Variants in TMEM38B observed in about 807,000 individuals in gnomAD.
TMEM38B encodes the protein transmembrane protein 38B.
Under a neutral mutation model 28.7 loss-of-function variants are expected in TMEM38B, and 24 were observed. The observed-to-expected ratio is 0.84, with a 90% CI of 0.61 to 1.18. The LOEUF (loss-of-function observed/expected upper bound fraction) is 1.18, where lower values mean the gene tolerates loss of function less well. Ranked by LOEUF, TMEM38B falls within the 50% of genes most tolerant of loss-of-function variation. The probability of loss-of-function intolerance (pLI) is 0.00; values close to 1 mark genes in which losing one functional copy is unlikely to be tolerated. For synonymous variants in TMEM38B, 131 were observed against 127.7 expected (o/e 1.03, Z -0.17); for missense variants, 380 against 350.9 (o/e 1.08, Z -0.66).
intron 4 of TMEM38B, among the ~76,000 whole-genome samples, chr9:105,729,593 A>G (rs111548029): frequency 1.3e-3 from 199 of 152,288 alleles, no homozygotes; most frequent in African/African-American, 4.6e-3. Flanking sequence ...TAAACTTTAA[A>G]GTAGTTTTTT....
At chr9:105,700,309 T>G (rs1835422932) in intron 1 of TMEM38B, among the ~76,000 whole-genome samples, 1 of 152,214 alleles carries the variant, frequency 6.6e-6, no homozygotes, top group Non-Finnish European at 1.5e-5. Flanking sequence ...GCACTACCTT[T>G]TCTACACAAT....
chr9:105,713,294 C>T (rs1399461009), intron 2 of TMEM38B, among the ~76,000 whole-genome samples: 4 of 152,192 alleles, frequency 2.6e-5, no homozygotes, highest in African/African-American at 7.2e-5. Flanking sequence ...CCCCCCAAAC[C>T]GGGGCTGCAG....
chr9:105,759,560 G>T, intron 5 of TMEM38B: 1 of 1,560,240 alleles, frequency 6.4e-7, no homozygotes, highest in Non-Finnish European at 8.8e-7. Context: ...TCCTCTAATA[G>T]CAAACCAAGT....
At position 105,763,223 on chromosome 9, in the gene TMEM38B, A is replaced by G. The variant is rs186214310; in HGVS notation, c.661-10642A>G. ...TTTTGTAGGTTGCCTGTTCACTGTG[A>G]TGGTAGTTTCTTTTGCTGTGCAGAA... On this transcript the variant is annotated intron_variant, in intron 5 of 5. Transcript: ENST00000374692. Among the ~76,000 whole-genome samples the G allele has an allele frequency of 2.5e-3, 382 of 151,944 alleles. 3 individuals are homozygous for G. Among genetic ancestry groups the G allele is most frequent in the Admixed American group, 7.9e-3 (121 of 15,264 alleles).
rs144474018 is a variant in TMEM38B, at chr9:105,769,715, G to T, written c.661-4150G>T. Among the ~76,000 whole-genome samples the T allele has an allele frequency of 6.1e-4, 84 of 137,864 alleles. 1 individual carries two copies. Among genetic ancestry groups the T allele is most frequent in the Non-Finnish European group, 9.6e-4 (65 of 67,448 alleles). 90.4% of individuals were successfully genotyped at this position (137,864 alleles called of 152,430 possible). A position where few individuals can be genotyped will look rare whatever the true frequency, so the allele number is the denominator to read the frequency against. On this transcript the variant is annotated intron_variant, in intron 5 of 5. Coordinates refer to ENST00000374692, the MANE Select transcript of TMEM38B (RefSeq NM_018112.3). ...TTTAGCTATTCTTGTATATTGATAT[G>T]AACTTTAATAGTTTGTCTAGCTCTG...
chr9:105,695,301 A>G (rs1030395258), intron 1 of TMEM38B, among the ~76,000 whole-genome samples: 3 of 152,150 alleles, frequency 2.0e-5, no homozygotes, highest in East Asian at 1.9e-4. Context: ...TGAAAGTTGT[A>G]CAAGCACTGA....
At chr9:105,761,704 G>C in intron 5 of TMEM38B, among the ~76,000 whole-genome samples, 1 of 152,072 alleles carries the variant, frequency 6.6e-6, no homozygotes, top group East Asian at 1.9e-4. Context: ...GTGCACATTA[G>C]ACTCACCCGA....
At position 105,773,893 on chromosome 9, in the gene TMEM38B, C is replaced by T. The variant is rs370443289; in HGVS notation, c.689C>T (p.Thr230Ile). The T allele has an allele frequency of 1.2e-6, 2 of 1,613,642 alleles. No individual in the cohort carries two copies. The highest frequency in any genetic ancestry group is 1.7e-6 in the Non-Finnish European group (2 of 1,179,702). Reference sequence around the variant, plus strand: ...ACCATGATGACTACACAGACTTCTACTATGACATTTGCTCCTTTTGAGGAT... The same window carrying T: ...ACCATGATGACTACACAGACTTCTATTATGACATTTGCTCCTTTTGAGGAT... ...KITMMTTQTS[T>I]MTFAPFEDTL... The change falls in exon 6 of 6, where the codon ACT becomes ATT. Residue 230 changes from threonine to isoleucine, a missense_variant. Physicochemically the swap from Thr to Ile is moderately conservative, Grantham distance 89 (BLOSUM62 -1). Coordinates refer to ENST00000374692, the MANE Select transcript of TMEM38B (RefSeq NM_018112.3).
chr9:105,753,210 C>T (rs375872613), intron 5 of TMEM38B, among the ~76,000 whole-genome samples: 21 of 152,124 alleles, frequency 1.4e-4, no homozygotes, highest in African/African-American at 4.6e-4. Flanking sequence ...TTGAAAGAGA[C>T]GAGGAGAATG....
At chr9:105,760,768 T>G in intron 5 of TMEM38B, 1 of 980,616 alleles carries the variant, frequency 1.0e-6, no homozygotes, top group Non-Finnish European at 1.5e-6. Flanking sequence ...GAATTAAAAA[T>G]TATGTAATAC....
intron 4 of TMEM38B, among the ~76,000 whole-genome samples, chr9:105,726,503 T>C (rs1456871433): frequency 1.3e-5 from 2 of 152,122 alleles, no homozygotes; most frequent in Non-Finnish European, 2.9e-5. Flanking sequence ...CCTCCACATC[T>C]TGTCCCACTT....
chr9:105,732,918 A>G (rs559298446), intron 4 of TMEM38B, among the ~76,000 whole-genome samples: 30 of 152,270 alleles, frequency 2.0e-4, no homozygotes, highest in African/African-American at 6.7e-4. Flanking sequence ...CATTTTCACA[A>G]TATTGATTCT....
At chr9:105,719,725 T>A (rs1191883864) in intron 2 of TMEM38B, among the ~76,000 whole-genome samples, 12 of 152,162 alleles carry the variant, frequency 7.9e-5, no homozygotes, top group Non-Finnish European at 1.3e-4. Context: ...AATACCGAAG[T>A]CCAAGATTGC....
At chr9:105,728,086 C>CT (rs1304894324) in intron 4 of TMEM38B, among the ~76,000 whole-genome samples, 2 of 151,980 alleles carry the variant, frequency 1.3e-5, no homozygotes, top group Non-Finnish European at 2.9e-5. Context: ...TCATGTATTT[C>CT]TTTTTTAAAA....
chr9:105,707,390 G>T (rs10978212), intron 2 of TMEM38B, among the ~76,000 whole-genome samples: 29,518 of 151,968 alleles, frequency 0.19, 2,936 homozygotes, highest in Middle Eastern at 0.3. Flanking sequence ...GATCCATCAA[G>T]TTTAAAATAA....
chr9:105,723,724 T>C (rs897067173), intron 4 of TMEM38B, among the ~76,000 whole-genome samples: 1 of 151,994 alleles, frequency 6.6e-6, no homozygotes, highest in Non-Finnish European at 1.5e-5. Context: ...AGAGATGGGG[T>C]CTTGCTGTGT....
intron 4 of TMEM38B, among the ~76,000 whole-genome samples, chr9:105,745,378 A>G (rs1477264829): frequency 2.0e-5 from 3 of 152,194 alleles, no homozygotes; most frequent in Non-Finnish European, 4.4e-5. Context: ...GGCTGCATAA[A>G]TGTCTTCTTT....
At chr9:105,767,369 C>G (rs1220407447) in intron 5 of TMEM38B, among the ~76,000 whole-genome samples, 1 of 152,112 alleles carries the variant, frequency 6.6e-6, no homozygotes, top group African/African-American at 2.4e-5. Flanking sequence ...GTCTTAAAAT[C>G]AAGTAGTACA....
In TMEM38B at chr9:105,745,902, A is replaced by G. The variant is rs1837373340; in HGVS notation, c.543-2171A>G. On this transcript the variant is annotated intron_variant, in intron 4 of 5. Coordinates refer to ENST00000374692, the MANE Select transcript of TMEM38B (RefSeq NM_018112.3). ...GATGAAATAGTTGTAGATGTGTGGT[A>G]TTATTTCTGAGGGCTCTGTTCTGTT... Among the ~76,000 whole-genome samples the G allele has an allele frequency of 2.0e-5, 3 of 152,036 alleles. No individual in the cohort carries two copies. The South Asian group carries it at 6.2e-4, about 31-fold the overall frequency.
Sources: allele counts gnomAD v4.1 joint callset (sites outside exome capture counted in the v4.1 genomes callset), GRCh38; gene constraint gnomAD v4.1.1; transcripts MANE v1.5; gene names NCBI Gene and HGNC (gene_info 2026-07-23, HGNC 2026-07-21).